PTPRN2: variants seen among roughly 807,000 people sequenced by gnomAD.
The protein encoded by PTPRN2 is protein tyrosine phosphatase receptor type N2, also known as receptor-type tyrosine-protein phosphatase N2.
In PTPRN2, 74 loss-of-function variants were observed where a neutral mutation model predicts 118.8. That is an observed-to-expected ratio of 0.62 (90% CI 0.52 to 0.76). PTPRN2 has a LOEUF of 0.76. Ranked by LOEUF, PTPRN2 falls within the 30% of genes least tolerant of loss-of-function variation. The pLI is 0.00. For missense variants in PTPRN2, 1,481 were observed against 1,394.4 expected (o/e 1.06, Z -0.99); for synonymous variants, 641 against 608.0 (o/e 1.05, Z -0.80).
chr7:158,111,195 A>G lies in PTPRN2; in HGVS notation c.1557-280T>C, dbSNP rs113803890. On this transcript the variant is annotated intron_variant, in intron 9 of 22. Coordinates refer to ENST00000389418, the MANE Select transcript of PTPRN2 (RefSeq NM_002847.5). ...GAAAATACAATAAAGGGGAGAAGGG[A>G]GAAGGGACAGGCAGGTGCGGCGGAT... 4.5e-3 allele frequency among the ~76,000 whole-genome samples: 687 copies of G among 152,264 alleles called. 10 individuals are homozygous for G. The highest frequency in any genetic ancestry group is 0.016 in the African/African-American group (654 of 41,564).
intron 11 of PTPRN2, among the ~76,000 whole-genome samples, chr7:158,025,426 C>T (rs73169792): frequency 0.051 from 7,722 of 152,298 alleles, 247 homozygotes; most frequent in Admixed American, 0.088. Flanking sequence ...ACCCCCAGCA[C>T]GGCCGCCTTC....
chr7:158,057,244 C>T (rs563975794), intron 11 of PTPRN2, among the ~76,000 whole-genome samples: 3 of 152,344 alleles, frequency 2.0e-5, no homozygotes, highest in Admixed American at 6.5e-5. Flanking sequence ...ATCTGCCTCT[C>T]GGCAACCACA....
At chr7:157,594,303 AT>A in intron 17 of PTPRN2, among the ~76,000 whole-genome samples, 1 of 152,338 alleles carries the variant, frequency 6.6e-6, no homozygotes, top group South Asian at 2.1e-4. Context: ...GCAGAAGTGA[AT>A]TTACCAACTC....
At chr7:158,042,744 A>G (rs935607514) in intron 11 of PTPRN2, among the ~76,000 whole-genome samples, 2 of 152,206 alleles carry the variant, frequency 1.3e-5, no homozygotes, top group Non-Finnish European at 2.9e-5. Flanking sequence ...TGTCTGTGAC[A>G]GTGTCTCAGG....
chr7:157,656,020 C>A (rs1585183109), intron 14 of PTPRN2, among the ~76,000 whole-genome samples: 1 of 129,266 alleles, frequency 7.7e-6, no homozygotes, highest in East Asian at 2.4e-4. Context: ...AGTCAGAGGC[C>A]CAAAACGGCA....
intron 9 of PTPRN2, among the ~76,000 whole-genome samples, chr7:158,118,472 T>C (rs1375232555): frequency 2.0e-5 from 3 of 152,162 alleles, no homozygotes; most frequent in Non-Finnish European, 2.9e-5. Flanking sequence ...AAGATAGTAA[T>C]GCAGAAAATG....
intron 11 of PTPRN2, among the ~76,000 whole-genome samples, chr7:158,004,145 G>T (rs1381240686): frequency 7.2e-6 from 1 of 138,990 alleles, no homozygotes; most frequent in African/African-American, 2.7e-5. Flanking sequence ...GCCCAATTTG[G>T]GAGTAAAGAA....
chr7:157,962,292 C>T (rs1349121839), intron 11 of PTPRN2, among the ~76,000 whole-genome samples: 4 of 152,168 alleles, frequency 2.6e-5, no homozygotes, highest in East Asian at 1.9e-4. Flanking sequence ...GGATGAGATC[C>T]GAATGTGAAT....
intron 2 of PTPRN2, among the ~76,000 whole-genome samples, chr7:158,419,404 A>ATTATTGCAAGAATTCCG (rs1815063776): frequency 4.0e-4 from 1 of 2,478 alleles, no homozygotes; most frequent in African/African-American, 1.6e-3. Context: ...CAAGAATTCC[A>ATTATTGCAAGAATTCCG]TCATTGCAAG....
At chr7:158,375,981 C>CGCCA (rs1810467963) in intron 2 of PTPRN2, among the ~76,000 whole-genome samples, 1 of 152,168 alleles carries the variant, frequency 6.6e-6, no homozygotes, top group Non-Finnish European at 1.5e-5. Flanking sequence ...TCTTCCTGGA[C>CGCCA]GCCAGATAAG....
intron 12 of PTPRN2, among the ~76,000 whole-genome samples, chr7:157,842,129 C>G (rs1225194697): frequency 6.6e-6 from 1 of 152,144 alleles, no homozygotes; most frequent in Non-Finnish European, 1.5e-5. Flanking sequence ...AGGAAGGTCC[C>G]CAACCCATAC....
At chr7:158,136,835 G>C (rs1818866891) in intron 7 of PTPRN2, 140 bp from the exon 8 acceptor site, 2 of 767,818 alleles carry the variant, frequency 2.6e-6, no homozygotes, top group African/African-American at 3.5e-5. Flanking sequence ...CTGCCATAGA[G>C]TAAACCTTTT....
chr7:158,561,997 G>A lies in PTPRN2; in HGVS notation c.112+25561C>T, dbSNP rs534512362. On this transcript the variant is annotated intron_variant, in intron 1 of 22. Coordinates refer to ENST00000389418, the MANE Select transcript of PTPRN2 (RefSeq NM_002847.5). The stretch of plus-strand genomic sequence containing the variant: ...TGAGCTGCAGACCTGCCTCTCTCTC[G>A]TGCGAAGAGATTCACAAAGGGGCCA... Among the ~76,000 whole-genome samples the A allele has an allele frequency of 3.3e-5, 5 of 152,266 alleles. No individual in the cohort carries two copies. In the South Asian group the frequency reaches 6.2e-4, roughly 19 times the overall value.
chr7:158,057,007 CA>C (rs1352151274), intron 11 of PTPRN2, among the ~76,000 whole-genome samples: 1 of 152,166 alleles, frequency 6.6e-6, no homozygotes, highest in Non-Finnish European at 1.5e-5. Context: ...AATTCACAAA[CA>C]AAAACAAAAG....
At position 157,903,163 on chromosome 7, in the gene PTPRN2, TACA is replaced by T. The variant is rs1797567772; in HGVS notation, c.1724-4429_1724-4427del. 6.6e-6 allele frequency among the ~76,000 whole-genome samples: 1 copy of T among 152,004 alleles called. No individual in the cohort carries two copies. The stretch of plus-strand genomic sequence containing the variant: ...CACACTCTCGCACGGAAGTGGGAAC[TACA>T]CTCATCAGAGAACCACATGCGCTCA... On this transcript the variant is annotated intron_variant, in intron 11 of 22. Transcript: ENST00000389418. The surrounding 1 kb of genome is among the most constrained non-coding windows in gnomAD (Gnocchi z 4.2).
chr7:158,516,928 T>C (rs375323193), intron 1 of PTPRN2, among the ~76,000 whole-genome samples: 1 of 152,218 alleles, frequency 6.6e-6, no homozygotes, highest in African/African-American at 2.4e-5. Flanking sequence ...CTGCTATTCC[T>C]GTAACCTGCA....
intron 2 of PTPRN2, among the ~76,000 whole-genome samples, chr7:158,391,686 G>A (rs1811940522): frequency 1.3e-5 from 2 of 152,160 alleles, no homozygotes; most frequent in African/African-American, 4.8e-5. Flanking sequence ...TCCCACCCCA[G>A]CCCCTCACAG....
At chr7:158,094,711 A>T in intron 10 of PTPRN2, among the ~76,000 whole-genome samples, 1 of 152,186 alleles carries the variant, frequency 6.6e-6, no homozygotes, top group East Asian at 1.9e-4. Flanking sequence ...TAGAAGTAGA[A>T]GCATTCACCC....
intron 11 of PTPRN2, among the ~76,000 whole-genome samples, chr7:158,046,228 A>G (rs1808855240): frequency 6.8e-6 from 1 of 147,366 alleles, no homozygotes; most frequent in Non-Finnish European, 1.5e-5. Context: ...GTCCAGGAGC[A>G]GAACCTGCGT....
Sources: allele counts gnomAD v4.1 joint callset (sites outside exome capture counted in the v4.1 genomes callset), GRCh38; gene constraint gnomAD v4.1.1; non-coding constraint Gnocchi (gnomAD v3.1); transcripts MANE v1.5; gene names NCBI Gene and HGNC (gene_info 2026-07-23, HGNC 2026-07-21).